The following COL4A6 variants were observed in gnomAD, a reference collection of about 807,000 sequenced individuals.
The protein encoded by COL4A6 is collagen type IV alpha 6 chain, also known as collagen alpha-6(IV) chain.
Under a neutral mutation model 126.7 loss-of-function variants are expected in COL4A6, and 59 were observed. The observed-to-expected ratio is 0.47, with a 90% CI of 0.38 to 0.58. The LOEUF is 0.58. COL4A6 is among the 20% of genes least tolerant of loss of function. The pLI is 0.00. For synonymous variants in COL4A6, 547 were observed against 496.6 expected (o/e 1.10, Z -1.35); for missense variants, 1,285 against 1,337.3 (o/e 0.96, Z 0.61).
chrX:108,410,290 A>G (rs1452385698), intron 2 of COL4A6, among the ~76,000 whole-genome samples: 2 of 111,623 alleles, frequency 1.8e-5, no homozygotes, highest in African/African-American at 6.5e-5. Context: ...AATCACTTTC[A>G]CATTTATTGA....
chrX:108,334,618 T>C (rs182159891), intron 2 of COL4A6, among the ~76,000 whole-genome samples: 10 of 111,619 alleles, frequency 9.0e-5, no homozygotes, highest in Admixed American at 8.6e-4. Context: ...AATAAATGGC[T>C]GAGTGACCTT....
chrX:108,205,216 G>T (rs917655264), intron 11 of COL4A6, among the ~76,000 whole-genome samples: 1 of 111,201 alleles, frequency 9.0e-6, no homozygotes, highest in Non-Finnish European at 1.9e-5. Flanking sequence ...AGGAAGCAGG[G>T]AAATAACAAT....
rs1396390049 is a variant in COL4A6 at position 108,383,919 on chromosome X, T to C, written c.63+54023A>G. 13 of 658,475 alleles carry C rather than the reference T, an allele frequency of 2.0e-5. No homozygotes were observed. In the Admixed American group the frequency reaches 3.9e-4, roughly 20 times the overall value. 54.3% of individuals were successfully genotyped at this position (658,475 alleles called of 1,213,427 possible). On this transcript the variant is annotated intron_variant, in intron 2 of 44. Coordinates refer to ENST00000334504, the MANE Select transcript of COL4A6 (RefSeq NM_033641.4). Reference sequence around the variant, plus strand: ...AAGTTAAGTTCCTCTGGAACAACCATGTGATAAATCTATTCTGGCCCAAAC... The same window carrying C: ...AAGTTAAGTTCCTCTGGAACAACCACGTGATAAATCTATTCTGGCCCAAAC...
intron 12 of COL4A6, 98 bp from the exon 13 acceptor site, chrX:108,203,079 C>A (rs1030379719): frequency 2.9e-6 from 2 of 693,673 alleles, no homozygotes; most frequent in Non-Finnish European, 4.6e-6. Flanking sequence ...AGTGGGGAAC[C>A]AATGAAGTAT....
At chrX:108,296,619 T>G (rs892687525) in intron 3 of COL4A6, among the ~76,000 whole-genome samples, 1 of 112,417 alleles carries the variant, frequency 8.9e-6, no homozygotes, top group African/African-American at 3.2e-5. Flanking sequence ...AGTCTGATTT[T>G]CAAGGGGCTC....
chrX:108,274,551 G>T (rs57955573), intron 3 of COL4A6, among the ~76,000 whole-genome samples: 139 of 111,856 alleles, frequency 1.2e-3, no homozygotes, highest in African/African-American at 4.4e-3. Context: ...ACAGCTAGCC[G>T]TGGAGAATCT....
chrX:108,333,645 A>G (rs774851667), intron 2 of COL4A6, among the ~76,000 whole-genome samples: 2 of 111,886 alleles, frequency 1.8e-5, no homozygotes, highest in African/African-American at 3.2e-5. Flanking sequence ...CATTGATGAT[A>G]TGATCTTATA....
intron 2 of COL4A6, among the ~76,000 whole-genome samples, chrX:108,325,819 A>C (rs1230118035): frequency 1.8e-5 from 2 of 111,657 alleles, no homozygotes; most frequent in African/African-American, 3.2e-5. Flanking sequence ...AAAAAAAAAA[A>C]AAACTATGAT....
In COL4A6 at chrX:108,355,473, T is replaced by G. The variant is rs2039939986; in HGVS notation, c.64-44645A>C. 5.3e-5 allele frequency among the ~76,000 whole-genome samples: 6 copies of G among 112,713 alleles called. No individual in the cohort carries two copies. In the South Asian group the frequency reaches 2.2e-3, roughly 42 times the overall value. On this transcript the variant is annotated intron_variant, in intron 2 of 44. Transcript: ENST00000334504. ...ATTTCAACTGAACATTGCCACATGC[T>G]ATTTGGTACAGTGGTGAACAAGGCA...
At chrX:108,293,514 C>T (rs756432385) in intron 3 of COL4A6, among the ~76,000 whole-genome samples, 38 of 111,362 alleles carry the variant, frequency 3.4e-4, no homozygotes, top group Non-Finnish European at 6.6e-4. Context: ...GATAACCTGG[C>T]TTGAAATCTA....
chrX:108,407,091 C>T (rs1439176004), intron 2 of COL4A6, among the ~76,000 whole-genome samples: 2 of 112,466 alleles, frequency 1.8e-5, no homozygotes, highest in East Asian at 5.6e-4. Context: ...TGTGATTTTA[C>T]TACCAGAAAT....
chrX:108,278,154 C>A (rs763808385), intron 3 of COL4A6, among the ~76,000 whole-genome samples: 32 of 112,302 alleles, frequency 2.8e-4, no homozygotes, highest in Middle Eastern at 4.6e-3. Context: ...ATGCCTTTGA[C>A]GAGTTGAGAG....
intron 3 of COL4A6, among the ~76,000 whole-genome samples, chrX:108,296,856 G>A (rs1388787426): frequency 2.7e-5 from 3 of 111,848 alleles, no homozygotes; most frequent in Non-Finnish European, 5.6e-5. Flanking sequence ...TGTCCACCAA[G>A]GTAGGAAAAT....
intron 9 of COL4A6, 75 bp from the exon 10 acceptor site, chrX:108,205,770 T>C: frequency 1.1e-6 from 1 of 879,822 alleles, no homozygotes; most frequent in East Asian, 3.2e-5. Flanking sequence ...ATGTTGAGAG[T>C]CACTCCCCAG....
At chrX:108,414,833 C>T (rs184151099) in intron 2 of COL4A6, among the ~76,000 whole-genome samples, 2 of 110,799 alleles carry the variant, frequency 1.8e-5, no homozygotes, top group African/African-American at 3.3e-5. Context: ...CAACCCCTAG[C>T]CTACAGCAGC....
At chrX:108,296,977 G>T (rs951874514) in intron 3 of COL4A6, among the ~76,000 whole-genome samples, 1 of 112,041 alleles carries the variant, frequency 8.9e-6, no homozygotes, top group African/African-American at 3.2e-5. Flanking sequence ...AGGACTGAGA[G>T]ATTACCATTG....
intron 13 of COL4A6, among the ~76,000 whole-genome samples, chrX:108,199,187 A>G (rs1323394731): frequency 9.0e-6 from 1 of 110,553 alleles, no homozygotes; most frequent in East Asian, 2.8e-4. Context: ...ACAAATAGTT[A>G]AAAGGAACAT....
At chrX:108,337,398 T>G (rs1230452140) in intron 2 of COL4A6, among the ~76,000 whole-genome samples, 1 of 112,270 alleles carries the variant, frequency 8.9e-6, no homozygotes, top group Non-Finnish European at 1.9e-5. Context: ...CTCAAAACTA[T>G]TGCTGACATG....
chrX:108,282,385 C>T (rs2037864431), intron 3 of COL4A6, among the ~76,000 whole-genome samples: 2 of 110,493 alleles, frequency 1.8e-5, no homozygotes, highest in South Asian at 3.9e-4. Flanking sequence ...AGCCAAAAAA[C>T]ACATGAAAAA....
Sources: allele counts gnomAD v4.1 joint callset (sites outside exome capture counted in the v4.1 genomes callset), GRCh38; gene constraint gnomAD v4.1.1; transcripts MANE v1.5; gene names NCBI Gene and HGNC (gene_info 2026-07-23, HGNC 2026-07-21).